FSTL5: variants seen among roughly 807,000 people sequenced by gnomAD.
The protein encoded by FSTL5 is follistatin-related protein 5.
In FSTL5, 62 loss-of-function variants were observed where a neutral mutation model predicts 89.1. The ratio of observed to expected loss-of-function variants is 0.70; its 90% CI spans 0.57 to 0.86. The LOEUF (loss-of-function observed/expected upper bound fraction) is 0.86, where lower values mean the gene tolerates loss of function less well. Among genes scored for constraint, FSTL5 ranks in the 40% least tolerant of loss-of-function variants. The probability of loss-of-function intolerance (pLI) is 0.00; values close to 1 mark genes in which losing one functional copy is unlikely to be tolerated. For missense variants in FSTL5, 1,057 were observed against 1,001.6 expected, an observed-to-expected ratio of 1.06 and a Z score of -0.75; for synonymous variants, 383 against 346.2, an observed-to-expected ratio of 1.11 and a Z score of -1.18.
intron 6 of FSTL5, among the ~76,000 whole-genome samples, chr4:161,675,575 TATC>T (rs1737273553): frequency 6.6e-6 from 1 of 151,636 alleles, no homozygotes; most frequent in African/African-American, 2.4e-5. Flanking sequence ...ATTACTGTAT[TATC>T]ATGAAAACAT....
At chr4:161,514,360 T>G (rs1461034277) in intron 10 of FSTL5, among the ~76,000 whole-genome samples, 7 of 152,132 alleles carry the variant, frequency 4.6e-5, no homozygotes, top group Middle Eastern at 6.8e-3. Context: ...CTAAATGAAA[T>G]AACCCAGAAA....
intron 7 of FSTL5, among the ~76,000 whole-genome samples, chr4:161,590,256 T>C (rs1280328306): frequency 6.6e-6 from 1 of 151,794 alleles, no homozygotes. Flanking sequence ...AAAAAGCAAA[T>C]AGGCTGGGCA....
At chr4:161,549,512 T>C (rs1251202634) in intron 8 of FSTL5, among the ~76,000 whole-genome samples, 1 of 151,938 alleles carries the variant, frequency 6.6e-6, no homozygotes, top group East Asian at 1.9e-4. Flanking sequence ...AGGATGTATG[T>C]TACAGGCTTA....
intron 8 of FSTL5, among the ~76,000 whole-genome samples, chr4:161,553,693 T>A (rs773280788): frequency 1.3e-5 from 2 of 151,558 alleles, no homozygotes; most frequent in African/African-American, 2.4e-5. Context: ...ATTTGACTAC[T>A]TGGCATCCAC....
intron 4 of FSTL5, among the ~76,000 whole-genome samples, chr4:161,799,388 A>T (rs1729729590): frequency 1.3e-5 from 2 of 151,728 alleles, no homozygotes; most frequent in South Asian, 4.2e-4. Context: ...AAGTGGTATC[A>T]ATTCAGTTTG....
At chr4:161,712,341 G>A (rs1210217705) in intron 6 of FSTL5, among the ~76,000 whole-genome samples, 1 of 152,066 alleles carries the variant, frequency 6.6e-6, no homozygotes. Context: ...GATAAGACCT[G>A]CTACTATGTA....
At chr4:161,557,236 C>A (rs925479654) in intron 8 of FSTL5, among the ~76,000 whole-genome samples, 3 of 151,392 alleles carry the variant, frequency 2.0e-5, no homozygotes, top group South Asian at 2.1e-4. Context: ...ATATATAAAT[C>A]ATAATAAGCC....
intron 6 of FSTL5, among the ~76,000 whole-genome samples, chr4:161,672,258 C>T (rs1737141617): frequency 6.6e-6 from 1 of 152,092 alleles, no homozygotes; most frequent in Non-Finnish European, 1.5e-5. Flanking sequence ...ATTTAGTTTA[C>T]AAAGTTTGCA....
intron 4 of FSTL5, among the ~76,000 whole-genome samples, chr4:161,910,877 T>C (rs1733670875): frequency 6.6e-6 from 1 of 152,210 alleles, no homozygotes; most frequent in African/African-American, 2.4e-5. Flanking sequence ...TCTGCCACAA[T>C]TCTTAATGTA....
chr4:162,128,452 T>G (rs1231326900), intron 1 of FSTL5, among the ~76,000 whole-genome samples: 25 of 152,078 alleles, frequency 1.6e-4, no homozygotes, highest in Non-Finnish European at 1.5e-5. Context: ...GGGTTAAGAG[T>G]GATCCCTTGC....
chr4:161,445,550 G>T (rs559032743), intron 15 of FSTL5, among the ~76,000 whole-genome samples: 4 of 151,854 alleles, frequency 2.6e-5, no homozygotes, highest in African/African-American at 9.6e-5. Context: ...CAAATATTAC[G>T]ATAGTCCAAA....
At chr4:161,467,206 G>A (rs1035070044) in intron 13 of FSTL5, among the ~76,000 whole-genome samples, 1 of 151,898 alleles carries the variant, frequency 6.6e-6, no homozygotes, top group African/African-American at 2.4e-5. Flanking sequence ...TATGTATAAT[G>A]TATACCACTT....
chr4:161,535,112 A>T (rs1731551918), intron 10 of FSTL5, among the ~76,000 whole-genome samples: 1 of 152,130 alleles, frequency 6.6e-6, no homozygotes. Flanking sequence ...CTTAAATTAT[A>T]AAAATCCTAA....
intron 10 of FSTL5, among the ~76,000 whole-genome samples, chr4:161,528,680 C>T (rs1017334079): frequency 1.4e-5 from 2 of 143,186 alleles, no homozygotes; most frequent in African/African-American, 2.5e-5. Context: ...ATTATCTGAC[C>T]GAATTCCTGC....
At chr4:161,550,963 T>G (rs1469282941) in intron 8 of FSTL5, among the ~76,000 whole-genome samples, 1 of 151,096 alleles carries the variant, frequency 6.6e-6, no homozygotes, top group East Asian at 1.9e-4. Context: ...TGTGCCACAT[T>G]TTCTTAATCC....
intron 7 of FSTL5, among the ~76,000 whole-genome samples, chr4:161,630,795 T>A (rs190750999): frequency 1.3e-5 from 2 of 152,366 alleles, no homozygotes; most frequent in Admixed American, 6.5e-5. Flanking sequence ...GCTATCATTC[T>A]TTGAGTCACA....
chr4:161,670,922 GA>G (rs754486722), intron 6 of FSTL5, among the ~76,000 whole-genome samples: 27 of 152,126 alleles, frequency 1.8e-4, no homozygotes, highest in Non-Finnish European at 3.4e-4. Context: ...TTTACAATGG[GA>G]AAAGCATCAG....
rs772790398 is a variant in FSTL5 at position 161,656,485 on chromosome 4, T to G, written c.737A>C (p.Gln246Pro). Reference sequence around the variant, plus strand: ...TTTCTGATCTTCTGGCAGACTCAACTGGATCACTTCTGTAAAGATGAAGTG... The same window carrying G: ...TTTCTGATCTTCTGGCAGACTCAACGGGATCACTTCTGTAAAGATGAAGTG... ...EEFYRAFQVI[Q>P]LSLPEDQKLS... The change falls in exon 7 of 16, where the codon CAG becomes CCG. Residue 246 changes from glutamine to proline, a missense_variant. By Grantham distance (76) the Gln-to-Pro change is moderately conservative (BLOSUM62 -1). Transcript: ENST00000306100. 12 of 1,588,208 alleles carry G rather than the reference T, an allele frequency of 7.6e-6. 1 individual carries two copies. The Admixed American group carries it at 2.2e-4, about 29-fold the overall frequency.
intron 6 of FSTL5, among the ~76,000 whole-genome samples, chr4:161,687,453 T>A (rs537728359): frequency 2.0e-5 from 3 of 152,228 alleles, no homozygotes; most frequent in African/African-American, 7.2e-5. Flanking sequence ...CTTTTTAAAT[T>A]TATTATGTTT....
Sources: gnomAD v4.1 joint callset for allele counts (sites outside exome capture counted in the v4.1 genomes callset) on GRCh38, gnomAD v4.1.1 for gene constraint, MANE v1.5 for transcripts, NCBI Gene and HGNC (gene_info 2026-07-23, HGNC 2026-07-21) for gene names.